The following RAB38 variants were observed in gnomAD, a reference collection of about 807,000 sequenced individuals.
RAB38 encodes the protein ras-related protein Rab-38.
A neutral mutation model predicts 18.4 loss-of-function variants in RAB38; 15 were observed. That is an observed-to-expected ratio of 0.82 (90% CI 0.55 to 1.26). The LOEUF is 1.26. Ranked by LOEUF, RAB38 falls within the 50% of genes most tolerant of loss-of-function variation. The pLI is 0.00. For missense variants in RAB38, 294 were observed against 267.4 expected, an observed-to-expected ratio of 1.10 and a Z score of -0.69; for synonymous variants, 101 against 104.4, an observed-to-expected ratio of 0.97 and a Z score of 0.20.
chr11:87,905,948 T>C, the RAB38 span, among the ~76,000 whole-genome samples: 45,945 of 151,890 alleles, frequency 0.3, 8,782 homozygotes, highest in African/African-American at 0.55. Context: ...TTTCTGTCTC[T>C]TCAGCTCAGA....
the RAB38 span, among the ~76,000 whole-genome samples, chr11:88,037,207 T>G: frequency 6.6e-6 from 1 of 152,080 alleles, no homozygotes; most frequent in South Asian, 2.1e-4. Context: ...ATAGTATTTT[T>G]GCATAGGATT....
chr11:87,972,093 GC>G, the RAB38 span, among the ~76,000 whole-genome samples: 1 of 151,958 alleles, frequency 6.6e-6, no homozygotes, highest in African/African-American at 2.4e-5. Context: ...TCACCTCTCT[GC>G]ATTACAGAGT....
chr11:88,047,532 G>T, the RAB38 span, among the ~76,000 whole-genome samples: 1 of 152,114 alleles, frequency 6.6e-6, no homozygotes, highest in Admixed American at 6.5e-5. Flanking sequence ...TCTTGCAAAA[G>T]GACTACACAT....
rs1453453768 is a variant in RAB38, at chr11:88,137,799, A to G, written c.483+11876T>C. ...TAAAGAGATGATTCTAAAAACTACC[A>G]GACAAAAGAAAACAGCTTATGCACA... On this transcript the variant is annotated intron_variant, in intron 2 of 2. Coordinates refer to ENST00000243662, the MANE Select transcript of RAB38 (RefSeq NM_022337.3). Among the ~76,000 whole-genome samples, 4 of 152,244 alleles carry G rather than the reference A, an allele frequency of 2.6e-5. No homozygotes were observed. The East Asian group carries it at 7.7e-4, about 29-fold the overall frequency.
chr11:88,170,357 C>T (rs1943296384), intron 1 of RAB38, among the ~76,000 whole-genome samples: 1 of 152,198 alleles, frequency 6.6e-6, no homozygotes, highest in Non-Finnish European at 1.5e-5. Flanking sequence ...CCAAATTTAG[C>T]TCTTTCTACA....
the RAB38 span, among the ~76,000 whole-genome samples, chr11:87,942,345 A>G: frequency 6.6e-6 from 1 of 152,120 alleles, no homozygotes; most frequent in African/African-American, 2.4e-5. Context: ...GGCCATTTTG[A>G]GTCTCAAAAT....
At chr11:88,173,973 A>G (rs919308601) in intron 1 of RAB38, 1 of 985,354 alleles carries the variant, frequency 1.0e-6, no homozygotes, top group African/African-American at 1.7e-5. Flanking sequence ...CAAATGCATC[A>G]GCTAAAATGA....
At chr11:88,137,385 AATC>A (rs1942849318) in intron 2 of RAB38, among the ~76,000 whole-genome samples, 2 of 152,220 alleles carry the variant, frequency 1.3e-5, no homozygotes, top group African/African-American at 4.8e-5. Context: ...TCACAAATAT[AATC>A]AACTATCACA....
chr11:87,885,962 G>T, the RAB38 span, among the ~76,000 whole-genome samples: 1 of 151,978 alleles, frequency 6.6e-6, no homozygotes, highest in Non-Finnish European at 1.5e-5. Context: ...GAAATGCTGA[G>T]TGTTGGGAGA....
the RAB38 span, among the ~76,000 whole-genome samples, chr11:87,957,574 A>G: frequency 6.6e-6 from 1 of 152,284 alleles, no homozygotes; most frequent in East Asian, 1.9e-4. Context: ...AGCAAGGCCT[A>G]CTTGTTCAGA....
intron 2 of RAB38, among the ~76,000 whole-genome samples, chr11:88,140,425 C>T (rs1432483801): frequency 1.3e-5 from 2 of 152,150 alleles, no homozygotes; most frequent in Non-Finnish European, 2.9e-5. Context: ...CCTTAAAAGG[C>T]AGTGCATCAA....
chr11:87,881,046 C>G, the RAB38 span, among the ~76,000 whole-genome samples: 1 of 151,832 alleles, frequency 6.6e-6, no homozygotes, highest in Non-Finnish European at 1.5e-5. Flanking sequence ...GTGGCGTGAT[C>G]ATAACCCACT....
chr11:87,861,119 A>G, the RAB38 span, among the ~76,000 whole-genome samples: 1 of 151,904 alleles, frequency 6.6e-6, no homozygotes, highest in Admixed American at 6.6e-5. Flanking sequence ...GGACAAGACA[A>G]TATTGAAAAT....
At chr11:87,863,992 C>G in the RAB38 span, among the ~76,000 whole-genome samples, 1 of 151,666 alleles carries the variant, frequency 6.6e-6, no homozygotes, top group Non-Finnish European at 1.5e-5. Context: ...GCAGATGAAC[C>G]TAGTAGAGCT....
the RAB38 span, among the ~76,000 whole-genome samples, chr11:87,976,621 A>T: frequency 8.3e-5 from 9 of 107,884 alleles, no homozygotes; most frequent in Non-Finnish European, 1.1e-4. Flanking sequence ...TTTACATGAT[A>T]TATAAATATA....
the RAB38 span, among the ~76,000 whole-genome samples, chr11:88,091,931 C>T: frequency 3.3e-5 from 5 of 151,698 alleles, no homozygotes; most frequent in Admixed American, 6.6e-5. Context: ...TGAAGAGGCA[C>T]GTCAATGGAA....
intron 2 of RAB38, among the ~76,000 whole-genome samples, chr11:88,149,161 A>C (rs1251410754): frequency 6.6e-6 from 1 of 152,054 alleles, no homozygotes; most frequent in African/African-American, 2.4e-5. Flanking sequence ...TGTTCTTCAC[A>C]TTTGTGCTTG....
intron 2 of RAB38, among the ~76,000 whole-genome samples, chr11:88,145,382 C>T (rs1220171528): frequency 1.3e-5 from 2 of 152,058 alleles, no homozygotes; most frequent in Non-Finnish European, 2.9e-5. Context: ...CTCCTGACTT[C>T]GTGATCCACT....
the RAB38 span, among the ~76,000 whole-genome samples, chr11:87,948,292 T>G: frequency 6.6e-6 from 1 of 152,232 alleles, no homozygotes; most frequent in African/African-American, 2.4e-5. Context: ...AAGGAAATTT[T>G]GGGCTGAGAC....
Sources: gnomAD v4.1 joint callset for allele counts (sites outside exome capture counted in the v4.1 genomes callset) on GRCh38, gnomAD v4.1.1 for gene constraint, MANE v1.5 for transcripts, NCBI Gene and HGNC (gene_info 2026-07-23, HGNC 2026-07-21) for gene names.